COL14A1: variants seen among roughly 807,000 people sequenced by gnomAD.
COL14A1 encodes the protein collagen alpha-1(XIV) chain.
Under a neutral mutation model 230.3 loss-of-function variants are expected in COL14A1, and 136 were observed. The observed-to-expected ratio is 0.59, with a 90% CI of 0.51 to 0.68. The LOEUF (loss-of-function observed/expected upper bound fraction) is 0.68. Among genes scored for constraint, COL14A1 ranks in the 30% least tolerant of loss-of-function variants. The pLI is 0.00. For missense variants in COL14A1, 1,976 were observed against 2,215.8 expected (o/e 0.89, Z 2.17); for synonymous variants, 792 against 784.1 (o/e 1.01, Z -0.17).
intron 1 of COL14A1, among the ~76,000 whole-genome samples, chr8:120,134,453 T>C (rs1054232273): frequency 2.0e-4 from 30 of 152,122 alleles, no homozygotes; most frequent in African/African-American, 7.2e-4. Flanking sequence ...TTCATTTACA[T>C]CAAAATAAGT....
chr8:120,185,777 T>C (rs1395020384), intron 5 of COL14A1, among the ~76,000 whole-genome samples: 19 of 152,190 alleles, frequency 1.2e-4, no homozygotes. Flanking sequence ...TTCTTTTTTC[T>C]CTTTTTTATT....
Position 120,250,862 on chromosome 8 carries a change from C to T in COL14A1, c.2752+96C>T, listed in dbSNP as rs188536057. 4.3e-5 allele frequency: 61 copies of T among 1,410,498 alleles called. No individual in the cohort carries two copies. The Admixed American group carries it at 6.6e-4, about 15-fold the overall frequency. 87.4% of individuals were successfully genotyped at this position (1,410,498 alleles called of 1,614,324 possible). A position where few individuals can be genotyped will look rare whatever the true frequency, so the allele number is the denominator to read the frequency against. On this transcript the variant is annotated intron_variant, in intron 22 of 47. Transcript: ENST00000297848. Reference sequence around the variant, plus strand: ...TCGCTCTGTCGCTCAGGCTGGAGTGCGCTGGTGCGATCTGGACTCACTGAA... The same window carrying T: ...TCGCTCTGTCGCTCAGGCTGGAGTGTGCTGGTGCGATCTGGACTCACTGAA...
chr8:120,243,857 A>G (rs1277746367), intron 19 of COL14A1, 22 bp from the exon 20 acceptor site: 3 of 1,611,148 alleles, frequency 1.9e-6, no homozygotes, highest in Admixed American at 1.7e-5. Context: ...CTAAGACTGC[A>G]GTCCTTTGCT....
chr8:120,210,068 A>T (rs1380009051), intron 12 of COL14A1, among the ~76,000 whole-genome samples, 167 bp downstream of exon 12: 1 of 152,150 alleles, frequency 6.6e-6, no homozygotes, highest in African/African-American at 2.4e-5. Context: ...GTTAACATTT[A>T]ATTAACAGTC....
intron 20 of COL14A1, among the ~76,000 whole-genome samples, chr8:120,245,689 C>G (rs1289531043): frequency 6.6e-6 from 1 of 152,028 alleles, no homozygotes; most frequent in East Asian, 1.9e-4. Context: ...CTGGGCTGGT[C>G]TGGATGTTAC....
At chr8:120,227,739 C>T (rs754906102) in intron 17 of COL14A1, among the ~76,000 whole-genome samples, 17 of 152,162 alleles carry the variant, frequency 1.1e-4, no homozygotes, top group Non-Finnish European at 2.1e-4. Flanking sequence ...CTAGGGCCAA[C>T]ATGTCAAAGA....
chr8:120,194,844 A>G (rs775468359), intron 5 of COL14A1, among the ~76,000 whole-genome samples: 48 of 152,168 alleles, frequency 3.2e-4, no homozygotes, highest in Non-Finnish European at 6.5e-4. Context: ...AAGCTTAACC[A>G]GACTTCAATT....
At chr8:120,325,338 A>T (rs564643432) in intron 40 of COL14A1, among the ~76,000 whole-genome samples, 11 of 152,338 alleles carry the variant, frequency 7.2e-5, no homozygotes, top group Admixed American at 3.9e-4. Context: ...CATGTTATTT[A>T]AAAAAATCCC....
intron 26 of COL14A1, 95 bp from the exon 27 acceptor site, chr8:120,278,015 TG>T (rs1278268352): frequency 1.8e-6 from 2 of 1,128,460 alleles, no homozygotes; most frequent in African/African-American, 3.2e-5. Flanking sequence ...AATGAGATAA[TG>T]AAGAAATTAA....
chr8:120,213,546 G>T (rs1271530674), intron 13 of COL14A1, among the ~76,000 whole-genome samples: 1 of 152,016 alleles, frequency 6.6e-6, no homozygotes, highest in African/African-American at 2.4e-5. Flanking sequence ...AAACAACAAA[G>T]AAACAAACAA....
At chr8:120,366,217 A>G (rs1053866510) in intron 45 of COL14A1, among the ~76,000 whole-genome samples, 5 of 152,238 alleles carry the variant, frequency 3.3e-5, no homozygotes, top group African/African-American at 9.6e-5. Context: ...ACAAATAGTT[A>G]TTTGCAATTT....
intron 33 of COL14A1, 29 bp from the exon 34 acceptor site, chr8:120,289,579 A>C (rs1480491046): frequency 6.2e-7 from 1 of 1,601,782 alleles, no homozygotes; most frequent in Non-Finnish European, 8.5e-7. Context: ...TCTGTTTCTT[A>C]CCTCCTAAAA....
At chr8:120,125,681 C>T (rs528749462) in intron 1 of COL14A1, among the ~76,000 whole-genome samples, 2 of 152,152 alleles carry the variant, frequency 1.3e-5, no homozygotes, top group Admixed American at 6.5e-5. Flanking sequence ...GGGACAGTGG[C>T]GGCTCCAGCA....
At chr8:120,274,145 G>A (rs577609803) in intron 26 of COL14A1, among the ~76,000 whole-genome samples, 11 of 151,782 alleles carry the variant, frequency 7.2e-5, no homozygotes, top group African/African-American at 2.4e-4. Flanking sequence ...TCAGGTGGAT[G>A]TCATCCCAGG....
chr8:120,248,913 C>CTTTTTT (rs1563695301), intron 21 of COL14A1, among the ~76,000 whole-genome samples: 2 of 106,416 alleles, frequency 1.9e-5, no homozygotes, highest in African/African-American at 4.5e-5. Flanking sequence ...TAGTTTCAAT[C>CTTTTTT]TTTCTTTTTT....
At chr8:120,145,117 C>T (rs933591784) in intron 1 of COL14A1, among the ~76,000 whole-genome samples, 23 of 152,104 alleles carry the variant, frequency 1.5e-4, no homozygotes, top group African/African-American at 5.6e-4. Flanking sequence ...AAATAGCCAA[C>T]AAACACCAAA....
intron 36 of COL14A1, among the ~76,000 whole-genome samples, chr8:120,305,882 T>C (rs1820845582): frequency 6.6e-6 from 1 of 152,170 alleles, no homozygotes; most frequent in South Asian, 2.1e-4. Flanking sequence ...AGTTTAACAA[T>C]GTTTAAAATA....
At chr8:120,203,019 T>TATA (rs1554606355) in intron 8 of COL14A1, among the ~76,000 whole-genome samples, 3 of 140,564 alleles carry the variant, frequency 2.1e-5, no homozygotes, top group Non-Finnish European at 4.7e-5. Flanking sequence ...TATATATATA[T>TATA]ATTTGTTCTA....
At chr8:120,224,023 CT>C (rs962510256) in intron 14 of COL14A1, among the ~76,000 whole-genome samples, 1,123 of 78,254 alleles carry the variant, frequency 0.014, 7 homozygotes, top group South Asian at 0.046. Flanking sequence ...CCCTCATCTC[CT>C]TTTTTTTTTT....
Sources: allele counts gnomAD v4.1 joint callset (sites outside exome capture counted in the v4.1 genomes callset), GRCh38; gene constraint gnomAD v4.1.1; transcripts MANE v1.5; gene names NCBI Gene and HGNC (gene_info 2026-07-23, HGNC 2026-07-21).